ADGRB1: variants seen among roughly 807,000 people sequenced by gnomAD.
ADGRB1 encodes the protein adhesion G protein-coupled receptor B1, also known as brain-specific angiogenesis inhibitor 1.
Under a neutral mutation model 175.7 loss-of-function variants are expected in ADGRB1, and 36 were observed. The ratio of observed to expected loss-of-function variants is 0.20; its 90% confidence interval spans 0.16 to 0.27. The LOEUF is 0.27. Among genes scored for constraint, ADGRB1 ranks in the 10% least tolerant of loss-of-function variants. The pLI, the probability that ADGRB1 is intolerant of heterozygous loss-of-function variation, is 1.00. For missense variants in ADGRB1, 1,731 were observed against 2,255.3 expected (o/e 0.77, Z 4.71); for synonymous variants, 1,054 against 979.4 (o/e 1.08, Z -1.42).
At chr8:142,516,513 C>CT (rs1843449644) in intron 18 of ADGRB1, among the ~76,000 whole-genome samples, 1 of 107,934 alleles carries the variant, frequency 9.3e-6, no homozygotes. Context: ...CAGGTGCGTG[C>CT]GTGTGCGGGT....
intron 13 of ADGRB1, among the ~76,000 whole-genome samples, chr8:142,486,983 G>A (rs1345124117): frequency 6.6e-6 from 1 of 152,168 alleles, no homozygotes. Flanking sequence ...TCACACCACT[G>A]CACTTCAGCC....
chr8:142,520,896 C>T lies in ADGRB1; in HGVS notation c.2995C>T (p.Leu999Phe). The change falls in exon 20 of 31, where the codon CTC (leucine) becomes TTC (phenylalanine). Residue 999 changes from leucine (L) to phenylalanine (F), a missense_variant. Physicochemically the swap from Leu to Phe is conservative, Grantham distance 22. Transcript: ENST00000517894. ...CATCATCTCCTCCAATGCCCTCATC[C>T]TCATCGGGCAGACCCAGACCCGCAA... Reference protein sequence around the residue: ...LSIISSNALILIGQTQTRNKV... With the variant: ...LSIISSNALIFIGQTQTRNKV... 6.2e-7 allele frequency: 1 copy of T among 1,613,650 alleles called. No homozygotes were observed. The highest frequency in any genetic ancestry group is 8.5e-7 in the Non-Finnish European group (1 of 1,179,662).
intron 17 of ADGRB1, among the ~76,000 whole-genome samples, chr8:142,506,570 G>C (rs1350724887): frequency 6.6e-6 from 1 of 152,218 alleles, no homozygotes; most frequent in Non-Finnish European, 1.5e-5. Flanking sequence ...TCTCCCACGT[G>C]CGGGAGCAGT....
intron 1 of ADGRB1, among the ~76,000 whole-genome samples, chr8:142,457,083 G>A (rs1265802516): frequency 6.6e-6 from 1 of 152,204 alleles, no homozygotes; most frequent in Non-Finnish European, 1.5e-5. Context: ...GGGGTGATGA[G>A]CCCTAGACTA....
chr8:142,472,067 G>T (rs1339312448), intron 2 of ADGRB1, among the ~76,000 whole-genome samples: 1 of 152,222 alleles, frequency 6.6e-6, no homozygotes, highest in African/African-American at 2.4e-5. Flanking sequence ...TGCCCGACCT[G>T]CTGGAGTCGG....
intron 12 of ADGRB1, among the ~76,000 whole-genome samples, chr8:142,484,406 A>G (rs1338416613): frequency 6.6e-6 from 1 of 152,132 alleles, no homozygotes. Context: ...CCCGGGCAGC[A>G]CCCGGCATGG....
rs1232125910 is a variant in ADGRB1 at position 142,464,354 on chromosome 8, C to T, written c.156C>T (p.Phe52=). The T allele has an allele frequency of 6.6e-6, 10 of 1,517,644 alleles. No individual in the cohort carries two copies. Among genetic ancestry groups the T allele is most frequent in the Non-Finnish European group, 5.3e-6 (6 of 1,137,896 alleles). The allele number at this position is 1,517,644 out of a possible 1,614,324, so 94.0% of individuals were successfully genotyped here. Reference sequence around the variant, plus strand: ...CCACGCTGGTGCAGGGAAAGTTCTTCGGCTACTTCTCCGCGGCCGCCGTGT... The same window carrying T: ...CCACGCTGGTGCAGGGAAAGTTCTTTGGCTACTTCTCCGCGGCCGCCGTGT... The part of the protein sequence containing the change: ...PCATLVQGKF[F]GYFSAAAVFP... Residue 52 remains phenylalanine, a synonymous_variant, in exon 2 of 31, where the codon TTC becomes TTT. Transcript: ENST00000517894.
At chr8:142,496,102 CTGGATGTA>C (rs1314456834) in intron 17 of ADGRB1, among the ~76,000 whole-genome samples, 1 of 116,570 alleles carries the variant, frequency 8.6e-6, no homozygotes, top group Non-Finnish European at 1.7e-5. Context: ...GGGTGGCTGG[CTGGATGTA>C]TAGATGGTAG....
intron 17 of ADGRB1, among the ~76,000 whole-genome samples, chr8:142,499,461 G>A (rs1052303456): frequency 2.1e-5 from 3 of 146,124 alleles, no homozygotes; most frequent in African/African-American, 8.4e-5. Flanking sequence ...ACGGCCACCC[G>A]CGTGCTGGGA....
chr8:142,464,381 C>G lies in ADGRB1; in HGVS notation c.183C>G (p.Phe61Leu). The change falls in exon 2 of 31, where the codon TTC (phenylalanine) becomes TTG (leucine). Residue 61 changes from phenylalanine to leucine, a missense_variant. Phe to Leu is a conservative substitution (Grantham distance 22, BLOSUM62 0). This residue lies in a region of ADGRB1 where 383 missense variants were observed against 383.1 expected (regional missense o/e 1.00). Transcript: ENST00000517894. ...GCTACTTCTCCGCGGCCGCCGTGTT[C>G]CCGGCCAACGCCTCGCGCTGCTCCT... ...FFGYFSAAAV[F>L]PANASRCSWT... 1 of 1,525,594 alleles carries G rather than the reference C, an allele frequency of 6.6e-7. No individual in the cohort carries two copies. The highest frequency in any genetic ancestry group is 8.8e-7 in the Non-Finnish European group (1 of 1,140,286). 94.5% of individuals were successfully genotyped at this position (1,525,594 alleles called of 1,614,324 possible).
At position 142,474,718 on chromosome 8, in the gene ADGRB1, G is replaced by A. The variant is rs948429312; in HGVS notation, c.785-756G>A. Among the ~76,000 whole-genome samples, 12 of 152,180 alleles carry A rather than the reference G, an allele frequency of 7.9e-5. No homozygotes were observed. Among genetic ancestry groups the A allele is most frequent in the Non-Finnish European group, 7.3e-5 (5 of 68,030 alleles). On this transcript the variant is annotated intron_variant, in intron 2 of 30. Coordinates refer to ENST00000517894, the MANE Select transcript of ADGRB1 (RefSeq NM_001702.3). The surrounding 1 kb of genome is among the most constrained non-coding windows in gnomAD (Gnocchi z 5.8). ...AGGGGAACACAGGTCCATGAAGGCC[G>A]CGGGGACTGTCGGGGCAGGGATGGA...
intron 2 of ADGRB1, among the ~76,000 whole-genome samples, chr8:142,472,120 C>T (rs887279642): frequency 6.6e-6 from 1 of 152,216 alleles, no homozygotes; most frequent in Non-Finnish European, 1.5e-5. Flanking sequence ...AGCTCTCCTC[C>T]AGAGAACAGC....
intron 1 of ADGRB1, among the ~76,000 whole-genome samples, chr8:142,462,146 A>G (rs1840001972): frequency 6.6e-6 from 1 of 152,164 alleles, no homozygotes; most frequent in African/African-American, 2.4e-5. Flanking sequence ...TCTGCCACGA[A>G]TGCGCCAGGA....
chr8:142,461,581 C>T (rs1331285544), intron 1 of ADGRB1, among the ~76,000 whole-genome samples: 1 of 152,198 alleles, frequency 6.6e-6, no homozygotes, highest in Admixed American at 6.5e-5. Context: ...TCCTTGTACA[C>T]CCCAGCTCCT....
At chr8:142,466,381 G>A (rs540844744) in intron 2 of ADGRB1, among the ~76,000 whole-genome samples, 84 of 152,354 alleles carry the variant, frequency 5.5e-4, no homozygotes, top group African/African-American at 1.9e-3. Flanking sequence ...CCCACAACAC[G>A]GGGCCATGGA....
At chr8:142,523,037 G>A (rs998761306) in intron 22 of ADGRB1, among the ~76,000 whole-genome samples, 1 of 152,230 alleles carries the variant, frequency 6.6e-6, no homozygotes, top group Non-Finnish European at 1.5e-5. Context: ...GCCCCCCTCT[G>A]TACGGTGCTG....
At chr8:142,508,935 G>GCCGGCTC (rs1416602695) in intron 17 of ADGRB1, among the ~76,000 whole-genome samples, 1 of 152,236 alleles carries the variant, frequency 6.6e-6, no homozygotes, top group East Asian at 1.9e-4. Flanking sequence ...AGAACCTCAG[G>GCCGGCTC]CCGGCTCCCG....
chr8:142,531,514 C>A (rs567569063), intron 24 of ADGRB1, among the ~76,000 whole-genome samples: 45 of 152,318 alleles, frequency 3.0e-4, no homozygotes, highest in African/African-American at 1.1e-3. Flanking sequence ...AGGTTGGTGG[C>A]CTCTAGTACA....
chr8:142,462,613 C>A (rs551306370), intron 1 of ADGRB1, among the ~76,000 whole-genome samples: 24 of 152,348 alleles, frequency 1.6e-4, no homozygotes, highest in African/African-American at 5.8e-4. Context: ...GAGCAGTGAC[C>A]GACCTTGTCT....
Sources: allele counts gnomAD v4.1 joint callset (sites outside exome capture counted in the v4.1 genomes callset), GRCh38; gene constraint gnomAD v4.1.1; regional missense constraint gnomAD v4.1.1; non-coding constraint Gnocchi (gnomAD v3.1); transcripts MANE v1.5; gene names NCBI Gene and HGNC (gene_info 2026-07-23, HGNC 2026-07-21).